The following VPS29 variants were observed in gnomAD, a reference collection of about 807,000 sequenced individuals.
VPS29 encodes vacuolar protein sorting-associated protein 29.
A neutral mutation model predicts 20.0 loss-of-function variants in VPS29; 2 were observed. The ratio of observed to expected loss-of-function variants is 0.10; its 90% confidence interval spans 0.04 to 0.31. VPS29 has a LOEUF of 0.31. VPS29 is among the 10% of genes least tolerant of loss of function. The probability of loss-of-function intolerance (pLI) is 1.00; values close to 1 mark genes in which losing one functional copy is unlikely to be tolerated. For missense variants in VPS29, 120 were observed against 215.3 expected (o/e 0.56, Z 2.77); for synonymous variants, 81 against 79.3 (o/e 1.02, Z -0.12).
chr12:110,496,325 A>G (rs1592995238), intron 1 of VPS29, 122 bp from the exon 2 acceptor site: 3 of 843,354 alleles, frequency 3.6e-6, no homozygotes, highest in Non-Finnish European at 5.2e-6. Context: ...AATTATTCAT[A>G]GGGTTCCTAT....
chr12:110,492,553 G>C (rs1489743501), intron 3 of VPS29, among the ~76,000 whole-genome samples: 1 of 150,540 alleles, frequency 6.6e-6, no homozygotes, highest in African/African-American at 2.4e-5. Context: ...CTAGGTGACA[G>C]AGCAAGACTC....
rs2062820606 is a variant in VPS29 at position 110,491,767 on chromosome 12, A to T, written c.*238T>A. The T allele has an allele frequency of 2.6e-6, 1 of 384,928 alleles. No homozygotes were observed. Among genetic ancestry groups the T allele is most frequent in the Non-Finnish European group, 4.6e-6 (1 of 216,750 alleles). 23.8% of individuals were successfully genotyped at this position (384,928 alleles called of 1,614,324 possible). A position where few individuals can be genotyped will look rare whatever the true frequency, so the allele number is the denominator to read the frequency against. Reference sequence around the variant, plus strand: ...CTTACAAGGATAAATTTTTCTTAACAAGTGACCAATTACTGTGTTGTGGAC... The same window carrying T: ...CTTACAAGGATAAATTTTTCTTAACTAGTGACCAATTACTGTGTTGTGGAC... On this transcript the variant is annotated 3_prime_UTR_variant, in exon 4 of 4. Transcript: ENST00000549578.
At chr12:110,496,860 A>G (rs2062915308) in intron 1 of VPS29, 1 of 152,234 alleles carries the variant, frequency 6.6e-6, no homozygotes, top group Admixed American at 6.5e-5. Context: ...GATATACAAC[A>G]GCCTTCAGTT....
intron 1 of VPS29, among the ~76,000 whole-genome samples, chr12:110,497,558 G>C (rs937275031): frequency 1.9e-4 from 29 of 151,810 alleles, no homozygotes; most frequent in African/African-American, 6.8e-4. Context: ...CATTAATTTA[G>C]CCATTTAACA....
At chr12:110,501,626 A>T (rs928369104) in intron 1 of VPS29, 2 of 1,534,182 alleles carry the variant, frequency 1.3e-6, no homozygotes, top group Non-Finnish European at 1.7e-6. Context: ...TCGAGAGGCC[A>T]GCTTCCACCA....
chr12:110,495,725 C>CA (rs2062895827), intron 2 of VPS29, among the ~76,000 whole-genome samples: 3 of 150,660 alleles, frequency 2.0e-5, no homozygotes, highest in African/African-American at 7.3e-5. Context: ...CAAAAACAAA[C>CA]AAAAAAAACT....
intron 2 of VPS29, among the ~76,000 whole-genome samples, chr12:110,493,541 T>C (rs1592991005): frequency 6.6e-6 from 1 of 152,214 alleles, no homozygotes; most frequent in East Asian, 1.9e-4. Flanking sequence ...TTTGTATTTT[T>C]AGTAGAGACG....
intron 1 of VPS29, among the ~76,000 whole-genome samples, chr12:110,498,323 C>T (rs1004910635): frequency 6.6e-6 from 1 of 152,136 alleles, no homozygotes; most frequent in African/African-American, 2.4e-5. Flanking sequence ...TCATTCTATA[C>T]AAAATGTTTT....
intron 1 of VPS29, chr12:110,499,640 CAAAA>C (rs376108608): frequency 1.6e-6 from 1 of 642,118 alleles, no homozygotes; most frequent in Admixed American, 3.5e-5. Flanking sequence ...AAAAAGAAAC[CAAAA>C]AAAAAAAAGA....
chr12:110,493,766 T>C (rs994377241), intron 2 of VPS29, among the ~76,000 whole-genome samples: 2 of 152,204 alleles, frequency 1.3e-5, no homozygotes, highest in Non-Finnish European at 2.9e-5. Context: ...AACCCCTTTA[T>C]TGTGTTTATT....
In VPS29 at chr12:110,492,092, A is replaced by G; in HGVS notation, c.462T>C (p.Asp154=). 6.2e-7 allele frequency: 1 copy of G among 1,613,440 alleles called. No homozygotes were observed. The highest frequency in any genetic ancestry group is 1.7e-5 in the Admixed American group (1 of 59,976). The stretch of plus-strand genomic sequence containing the variant: ...AGGTGACCACTGTAGAAGCCTGGAT[A>G]TCCATCAACACAAATGATGGAATAA... ...TNIIPSFVLM[D]IQASTVVTYV... is the part of the protein sequence containing the mutation. Residue 154 remains aspartate (D), a synonymous_variant, in exon 4 of 4, where the codon GAT becomes GAC. Transcript: ENST00000549578.
At chr12:110,497,575 T>A (rs548463983) in intron 1 of VPS29, among the ~76,000 whole-genome samples, 1 of 152,100 alleles carries the variant, frequency 6.6e-6, no homozygotes, top group African/African-American at 2.4e-5. Context: ...AACAGAATAC[T>A]GTTAGAAAGA....
intron 1 of VPS29, among the ~76,000 whole-genome samples, chr12:110,497,289 T>C (rs1172614559): frequency 7.5e-6 from 1 of 134,198 alleles, no homozygotes; most frequent in Non-Finnish European, 1.5e-5. Context: ...CGATCTCGGC[T>C]CACTGCAACC....
chr12:110,493,883 G>C (rs951707608), intron 2 of VPS29, among the ~76,000 whole-genome samples: 1 of 152,048 alleles, frequency 6.6e-6, no homozygotes, highest in African/African-American at 2.4e-5. Context: ...TCAAATTATA[G>C]CTTAATGTAG....
rs1401287155 is a variant in VPS29, at chr12:110,491,455, T to C, written c.*550A>G. The C allele has an allele frequency of 6.6e-6, 1 of 152,326 alleles. No homozygotes were observed. The highest frequency in any genetic ancestry group is 1.5e-5 in the Non-Finnish European group (1 of 68,134). The allele number at this position is 152,326 out of a possible 1,614,324, so 9.4% of individuals were successfully genotyped here. A position where few individuals can be genotyped will look rare whatever the true frequency, so the allele number is the denominator to read the frequency against. Reference sequence around the variant, plus strand: ...ACAGTTTGAAGAATCACTGTTAATGTCGGCATGGTATATTATTTAGCAAAT... The same window carrying C: ...ACAGTTTGAAGAATCACTGTTAATGCCGGCATGGTATATTATTTAGCAAAT... On this transcript the variant is annotated 3_prime_UTR_variant, in exon 4 of 4. Coordinates refer to ENST00000549578, the MANE Select transcript of VPS29 (RefSeq NM_016226.5).
intron 2 of VPS29, among the ~76,000 whole-genome samples, chr12:110,495,763 G>GT (rs1476399982): frequency 7.2e-5 from 11 of 152,040 alleles, no homozygotes; most frequent in Non-Finnish European, 1.3e-4. Flanking sequence ...GCATAAAACA[G>GT]TAACAAAGCC....
chr12:110,494,533 C>G (rs951103076), intron 2 of VPS29, among the ~76,000 whole-genome samples: 1 of 151,848 alleles, frequency 6.6e-6, no homozygotes, highest in Non-Finnish European at 1.5e-5. Flanking sequence ...GGATTACAGG[C>G]GTGAGCCACC....
At chr12:110,497,477 A>AG in intron 1 of VPS29, among the ~76,000 whole-genome samples, 1 of 151,422 alleles carries the variant, frequency 6.6e-6, no homozygotes, top group African/African-American at 2.4e-5. Flanking sequence ...TCCGCCTCCC[A>AG]AAGTGCTAGG....
At chr12:110,493,311 A>C in intron 2 of VPS29, 80 bp from the exon 3 acceptor site, 1 of 1,072,104 alleles carries the variant, frequency 9.3e-7, no homozygotes, top group Non-Finnish European at 1.3e-6. Flanking sequence ...TTAAATATTC[A>C]ATCTCCTATG....
Sources: allele counts gnomAD v4.1 joint callset (sites outside exome capture counted in the v4.1 genomes callset), GRCh38; gene constraint gnomAD v4.1.1; transcripts MANE v1.5; gene names NCBI Gene and HGNC (gene_info 2026-07-23, HGNC 2026-07-21).